IGF2BP3: variants seen among roughly 807,000 people sequenced by gnomAD.
IGF2BP3 encodes insulin like growth factor 2 mRNA binding protein 3.
Under a neutral mutation model 73.8 loss-of-function variants are expected in IGF2BP3, and 9 were observed. The ratio of observed to expected loss-of-function variants is 0.12; its 90% CI spans 0.07 to 0.21. IGF2BP3 has a LOEUF of 0.21. IGF2BP3 is among the 10% of genes least tolerant of loss of function. The pLI is 1.00. For missense variants in IGF2BP3, 542 were observed against 714.0 expected (o/e 0.76, Z 2.75); for synonymous variants, 258 against 256.7 (o/e 1.01, Z -0.05).
At chr7:23,315,687 G>A (rs1252630704) in intron 12 of IGF2BP3, among the ~76,000 whole-genome samples, 1 of 152,130 alleles carries the variant, frequency 6.6e-6, no homozygotes, top group Non-Finnish European at 1.5e-5. Flanking sequence ...GGCCAATGAC[G>A]TAGATATTAC....
intron 2 of IGF2BP3, among the ~76,000 whole-genome samples, chr7:23,460,780 C>G (rs949356402): frequency 2.6e-5 from 4 of 151,914 alleles, no homozygotes; most frequent in African/African-American, 9.7e-5. Context: ...TGAAACCCTG[C>G]CTCTACTAAA....
At chr7:23,425,652 T>C (rs183582580) in intron 2 of IGF2BP3, among the ~76,000 whole-genome samples, 1 of 152,302 alleles carries the variant, frequency 6.6e-6, no homozygotes, top group East Asian at 1.9e-4. Flanking sequence ...AATTTGTTTA[T>C]ATATATAAGA....
chr7:23,366,096 T>A (rs1426341355), intron 3 of IGF2BP3: 1 of 152,130 alleles, frequency 6.6e-6, no homozygotes, highest in African/African-American at 2.4e-5. Context: ...AAATATTCTA[T>A]TCCTAAGAAT....
At chr7:23,433,887 C>A (rs1418444699) in intron 2 of IGF2BP3, among the ~76,000 whole-genome samples, 1 of 151,956 alleles carries the variant, frequency 6.6e-6, no homozygotes, top group Admixed American at 6.6e-5. Context: ...CCAGTCTGGC[C>A]AACATGGCGA....
chr7:23,467,071 C>A (rs912080235), intron 2 of IGF2BP3, among the ~76,000 whole-genome samples: 21 of 152,136 alleles, frequency 1.4e-4, no homozygotes, highest in Admixed American at 6.5e-5. Context: ...CTTGTTAAAC[C>A]AAGCTCAATT....
At chr7:23,411,111 C>G (rs565157001) in intron 3 of IGF2BP3, among the ~76,000 whole-genome samples, 1 of 152,166 alleles carries the variant, frequency 6.6e-6, no homozygotes, top group Non-Finnish European at 1.5e-5. Context: ...GAACTCCAAG[C>G]TGTCTGCTAT....
intron 6 of IGF2BP3, among the ~76,000 whole-genome samples, chr7:23,349,084 A>G (rs1784899276): frequency 6.6e-6 from 1 of 152,216 alleles, no homozygotes; most frequent in African/African-American, 2.4e-5. Context: ...TAACTTTTTA[A>G]TTTACATATT....
chr7:23,436,328 A>C (rs1787807755), intron 2 of IGF2BP3, among the ~76,000 whole-genome samples: 1 of 152,250 alleles, frequency 6.6e-6, no homozygotes, highest in African/African-American at 2.4e-5. Flanking sequence ...TTAGGAATGT[A>C]AAAAGCTTGC....
intron 3 of IGF2BP3, among the ~76,000 whole-genome samples, chr7:23,384,687 T>C (rs1786026803): frequency 6.6e-6 from 1 of 152,016 alleles, no homozygotes; most frequent in Non-Finnish European, 1.5e-5. Flanking sequence ...ACCCAGGAGT[T>C]CAAGACCAGC....
At chr7:23,438,503 C>T (rs1416650187) in intron 2 of IGF2BP3, among the ~76,000 whole-genome samples, 9 of 151,460 alleles carry the variant, frequency 5.9e-5, no homozygotes. Context: ...CAGTCACCAT[C>T]TAAGGTAAAT....
intron 3 of IGF2BP3, among the ~76,000 whole-genome samples, chr7:23,378,569 G>GTTTTTTT (rs1156868701): frequency 1.1e-4 from 7 of 65,884 alleles, no homozygotes; most frequent in African/African-American, 1.4e-4. Context: ...ATTTTTGCTT[G>GTTTTTTT]TTTTTTTTTT....
At chr7:23,405,747 C>A (rs113811657) in intron 3 of IGF2BP3, among the ~76,000 whole-genome samples, 5,453 of 152,218 alleles carry the variant, frequency 0.036, 141 homozygotes, top group Middle Eastern at 0.085. Context: ...TATCCCGAAA[C>A]CACTCCCCTT....
rs550277975 is a variant in IGF2BP3 at position 23,348,504 on chromosome 7, C to T, written c.684-770G>A. On this transcript the variant is annotated intron_variant, in intron 6 of 14. Transcript: ENST00000258729. Reference sequence around the variant, plus strand: ...TGCTGAGCACCTTGTGACTCAAGAACTGTATTTCTTGTAACATCTACTCCT... The same window carrying T: ...TGCTGAGCACCTTGTGACTCAAGAATTGTATTTCTTGTAACATCTACTCCT... 2.2e-4 allele frequency among the ~76,000 whole-genome samples: 34 copies of T among 152,334 alleles called. 1 individual carries two copies. The highest frequency in any genetic ancestry group is 5.5e-4 in the African/African-American group (23 of 41,578).
chr7:23,376,972 T>C (rs1055508822), intron 3 of IGF2BP3, among the ~76,000 whole-genome samples: 1 of 152,190 alleles, frequency 6.6e-6, no homozygotes, highest in Non-Finnish European at 1.5e-5. Context: ...TGTAAATTCA[T>C]CCACAGATAT....
intron 10 of IGF2BP3, among the ~76,000 whole-genome samples, chr7:23,341,423 T>G (rs1784709514): frequency 6.6e-6 from 1 of 152,170 alleles, no homozygotes; most frequent in South Asian, 2.1e-4. Context: ...CCCAGCACTT[T>G]GAGAGGCCGA....
chr7:23,361,388 A>G (rs1785223607), intron 5 of IGF2BP3, 146 bp downstream of exon 5: 1 of 606,380 alleles, frequency 1.6e-6, no homozygotes, highest in African/African-American at 1.9e-5. Flanking sequence ...AAACTTAAAA[A>G]GAAAGGCACG....
chr7:23,460,162 G>A (rs368325341), intron 2 of IGF2BP3, among the ~76,000 whole-genome samples: 95 of 122,140 alleles, frequency 7.8e-4, no homozygotes, highest in African/African-American at 3.0e-3. Flanking sequence ...CTGGGCAACC[G>A]TGCGAGACCC....
At chr7:23,389,473 T>A (rs1279154836) in intron 3 of IGF2BP3, among the ~76,000 whole-genome samples, 1 of 151,942 alleles carries the variant, frequency 6.6e-6, no homozygotes, top group Non-Finnish European at 1.5e-5. Context: ...CTCCCAATGT[T>A]TAATGTGTGA....
At position 23,431,892 on chromosome 7, in the gene IGF2BP3, C is replaced by T. The variant is rs536971334; in HGVS notation, c.237-13068G>A. Among the ~76,000 whole-genome samples the T allele has an allele frequency of 6.6e-5, 10 of 152,202 alleles. No individual in the cohort carries two copies. In the South Asian group the frequency reaches 1.0e-3, roughly 16 times the overall value. ...GGCCACTGTGGTATAGTTAACAGGG[C>T]GAGTCTCAAAGGCAAAATTACTTGT... On this transcript the variant is annotated intron_variant, in intron 2 of 14. Transcript: ENST00000258729.
Sources: gnomAD v4.1 joint callset for allele counts (sites outside exome capture counted in the v4.1 genomes callset) on GRCh38, gnomAD v4.1.1 for gene constraint, MANE v1.5 for transcripts, NCBI Gene and HGNC (gene_info 2026-07-23, HGNC 2026-07-21) for gene names.